Variants in TRAPPC9 observed in about 807,000 individuals in gnomAD.
TRAPPC9 encodes the protein IKK2 binding protein.
TRAPPC9 carries 83 observed loss-of-function variants against 124.0 expected under a neutral mutation model. The observed-to-expected ratio is 0.67, with a 90% CI of 0.56 to 0.80. The LOEUF (loss-of-function observed/expected upper bound fraction) is 0.80. TRAPPC9 is among the 30% of genes least tolerant of loss of function. TRAPPC9 has a pLI of 0.00. For missense variants in TRAPPC9, 1,302 were observed against 1,508.3 expected, an observed-to-expected ratio of 0.86 and a Z score of 2.27; for synonymous variants, 638 against 617.5, an observed-to-expected ratio of 1.03 and a Z score of -0.49.
At chr8:139,826,199 G>A (rs1825620566) in intron 21 of TRAPPC9, among the ~76,000 whole-genome samples, 1 of 152,188 alleles carries the variant, frequency 6.6e-6, no homozygotes, top group Non-Finnish European at 1.5e-5. Flanking sequence ...GAGGCTAAAA[G>A]CCAGACTCTG....
At chr8:139,983,407 C>T (rs1041966103) in intron 19 of TRAPPC9, among the ~76,000 whole-genome samples, 2 of 152,092 alleles carry the variant, frequency 1.3e-5, no homozygotes, top group Non-Finnish European at 2.9e-5. Flanking sequence ...CCCTCCTAGC[C>T]ACCTTCCTTG....
chr8:140,194,429 G>A (rs2062585282), intron 17 of TRAPPC9, among the ~76,000 whole-genome samples: 2 of 152,166 alleles, frequency 1.3e-5, no homozygotes, highest in East Asian at 3.9e-4. Flanking sequence ...TAAATGCTAT[G>A]TAAATAGTTA....
intron 11 of TRAPPC9, among the ~76,000 whole-genome samples, chr8:140,292,040 T>C (rs2065674972): frequency 6.6e-6 from 1 of 152,150 alleles, no homozygotes; most frequent in Non-Finnish European, 1.5e-5. Flanking sequence ...ACACAAATCA[T>C]GAGGAAGCAG....
chr8:140,453,765 T>C (rs1443123176), intron 1 of TRAPPC9, among the ~76,000 whole-genome samples: 1 of 152,100 alleles, frequency 6.6e-6, no homozygotes, highest in Non-Finnish European at 1.5e-5. Flanking sequence ...CTAAAGAGTC[T>C]TTTCTGCACA....
chr8:139,877,630 A>C (rs1829406653), intron 21 of TRAPPC9, among the ~76,000 whole-genome samples: 1 of 152,016 alleles, frequency 6.6e-6, no homozygotes, highest in African/African-American at 2.4e-5. Context: ...AAGCAGGGAG[A>C]TTCTGGTGGT....
intron 7 of TRAPPC9, among the ~76,000 whole-genome samples, chr8:140,395,582 T>C (rs963095033): frequency 6.6e-6 from 1 of 152,214 alleles, no homozygotes; most frequent in African/African-American, 2.4e-5. Flanking sequence ...GTGGTGACTG[T>C]TATTTTGTTT....
At chr8:140,068,332 A>G (rs1842978094) in intron 17 of TRAPPC9, among the ~76,000 whole-genome samples, 1 of 152,154 alleles carries the variant, frequency 6.6e-6, no homozygotes, top group African/African-American at 2.4e-5. Flanking sequence ...TCTGCTGGCC[A>G]TGAGCAGCCT....
chr8:139,902,290 T>A (rs554258382), intron 20 of TRAPPC9, among the ~76,000 whole-genome samples: 25 of 152,302 alleles, frequency 1.6e-4, no homozygotes, highest in African/African-American at 6.0e-4. Flanking sequence ...GCCACCAGAT[T>A]TGGATTTGGG....
At chr8:140,088,101 G>C (rs1378798611) in intron 17 of TRAPPC9, among the ~76,000 whole-genome samples, 1 of 152,056 alleles carries the variant, frequency 6.6e-6, no homozygotes, top group African/African-American at 2.4e-5. Flanking sequence ...AGCCTCCCTA[G>C]TCCTTCTGGA....
intron 20 of TRAPPC9, among the ~76,000 whole-genome samples, chr8:139,900,814 A>G (rs897929895): frequency 2.0e-5 from 3 of 152,080 alleles, no homozygotes; most frequent in African/African-American, 7.2e-5. Context: ...GATCCTGTCT[A>G]TATTTATGTG....
chr8:139,803,497 C>A (rs1273455538), intron 21 of TRAPPC9, among the ~76,000 whole-genome samples: 4 of 152,248 alleles, frequency 2.6e-5, no homozygotes, highest in Non-Finnish European at 5.9e-5. Flanking sequence ...AAGCCTCAGG[C>A]CCAGCACCGC....
At chr8:140,074,196 G>A (rs1273163802) in intron 17 of TRAPPC9, among the ~76,000 whole-genome samples, 3 of 152,250 alleles carry the variant, frequency 2.0e-5, no homozygotes, top group Middle Eastern at 3.4e-3. Context: ...CAGAGGACAG[G>A]AGGCAGTCAG....
chr8:140,241,670 G>A lies in TRAPPC9; in HGVS notation c.2431+11107C>T, dbSNP rs764382946. On this transcript the variant is annotated intron_variant, in intron 16 of 22. Coordinates refer to ENST00000438773, the MANE Select transcript of TRAPPC9 (RefSeq NM_001160372.4). This position sits in a 1 kb window ranked among gnomAD's most constrained non-coding sequence, Gnocchi z 5.0. ...AGATAGTGCTACTGCACTCCAGCCT[G>A]GCAACAGTCCGAGACTCCATCTCAA... 2.0e-5 allele frequency among the ~76,000 whole-genome samples: 3 copies of A among 151,980 alleles called. No homozygotes were observed. Among genetic ancestry groups the A allele is most frequent in the Non-Finnish European group, 4.4e-5 (3 of 68,026 alleles).
chr8:140,054,420 T>C (rs531072381), intron 17 of TRAPPC9, among the ~76,000 whole-genome samples: 17 of 151,954 alleles, frequency 1.1e-4, no homozygotes, highest in African/African-American at 3.9e-4. Flanking sequence ...AGGAAAGCAG[T>C]ACTAAGAGAG....
intron 9 of TRAPPC9, among the ~76,000 whole-genome samples, chr8:140,319,214 C>T (rs1315600634): frequency 2.4e-5 from 3 of 127,338 alleles, no homozygotes; most frequent in Admixed American, 2.1e-4. Flanking sequence ...CTTGCTCTGT[C>T]GCCCAGGCTG....
rs2060635287 is a variant in TRAPPC9 at position 140,104,814 on chromosome 8, A to G, written c.2557-80735T>C. Reference sequence around the variant, plus strand: ...CCTTCTTGTGATTAGGACATTTCCCAGAGTTGCCTCGAACTGAAGCCTTAC... The same window carrying G: ...CCTTCTTGTGATTAGGACATTTCCCGGAGTTGCCTCGAACTGAAGCCTTAC... On this transcript the variant is annotated intron_variant, in intron 17 of 22. Transcript: ENST00000438773. The surrounding 1 kb of genome is among the most constrained non-coding windows in gnomAD (Gnocchi z 4.0). 6.6e-6 allele frequency among the ~76,000 whole-genome samples: 1 copy of G among 152,234 alleles called. No individual in the cohort carries two copies.
At chr8:139,934,280 C>CAGAGAG (rs34430255) in intron 19 of TRAPPC9, among the ~76,000 whole-genome samples, 1 of 148,802 alleles carries the variant, frequency 6.7e-6, no homozygotes, top group Admixed American at 6.7e-5. Flanking sequence ...CAAGTCCAGT[C>CAGAGAG]AGAGAGAGAG....
At chr8:140,449,872 G>C (rs766709543) in intron 2 of TRAPPC9, among the ~76,000 whole-genome samples, 1 of 152,220 alleles carries the variant, frequency 6.6e-6, no homozygotes, top group African/African-American at 2.4e-5. Context: ...GAATAAAACT[G>C]TTCAAACTGT....
chr8:139,950,239 A>G (rs570421611), intron 19 of TRAPPC9, among the ~76,000 whole-genome samples: 60 of 152,266 alleles, frequency 3.9e-4, no homozygotes, highest in Non-Finnish European at 8.1e-4. Flanking sequence ...TTCATCCTCA[A>G]TGAGTTCTCA....
Sources: allele counts gnomAD v4.1 joint callset (sites outside exome capture counted in the v4.1 genomes callset), GRCh38; gene constraint gnomAD v4.1.1; non-coding constraint Gnocchi (gnomAD v3.1); transcripts MANE v1.5; gene names NCBI Gene and HGNC (gene_info 2026-07-23, HGNC 2026-07-21).